The following LMNTD1 variants were observed in gnomAD, a reference collection of about 807,000 sequenced individuals.
LMNTD1 encodes lamin tail domain containing 1.
LMNTD1 carries 35 observed loss-of-function variants against 50.9 expected under a neutral mutation model. The ratio of observed to expected loss-of-function variants is 0.69; its 90% CI spans 0.53 to 0.91. LMNTD1 has a LOEUF of 0.91. Ranked by LOEUF, LMNTD1 falls within the 40% of genes least tolerant of loss-of-function variation. LMNTD1 has a pLI of 0.00. For missense variants in LMNTD1, 470 were observed against 475.5 expected, an observed-to-expected ratio of 0.99 and a Z score of 0.11; for synonymous variants, 153 against 161.9, an observed-to-expected ratio of 0.94 and a Z score of 0.42.
At chr12:25,625,465 A>C (rs981740211) in intron 1 of LMNTD1, among the ~76,000 whole-genome samples, 1 of 152,040 alleles carries the variant, frequency 6.6e-6, no homozygotes, top group African/African-American at 2.4e-5. Flanking sequence ...GACATCCCTT[A>C]GGCCTATGTT....
At chr12:25,617,442 G>T (rs750991165) in intron 1 of LMNTD1, among the ~76,000 whole-genome samples, 23 of 152,158 alleles carry the variant, frequency 1.5e-4, no homozygotes, top group South Asian at 2.1e-4. Context: ...TCTTGGACAA[G>T]TGGAGGGGTT....
intron 8 of LMNTD1, among the ~76,000 whole-genome samples, chr12:25,510,900 T>TA (rs1940222147): frequency 6.6e-6 from 1 of 152,242 alleles, no homozygotes; most frequent in East Asian, 1.9e-4. Context: ...AGTCCAGAGA[T>TA]AAAAGAGAAT....
intron 8 of LMNTD1, among the ~76,000 whole-genome samples, chr12:25,515,126 G>A (rs746115225): frequency 6.6e-6 from 1 of 152,016 alleles, no homozygotes; most frequent in Non-Finnish European, 1.5e-5. Flanking sequence ...AAGTAGACTT[G>A]CACAAGGATA....
At chr12:25,598,987 AAACTTATT>A (rs1244739515) in intron 1 of LMNTD1, among the ~76,000 whole-genome samples, 1 of 152,040 alleles carries the variant, frequency 6.6e-6, no homozygotes, top group African/African-American at 2.4e-5. Flanking sequence ...GAAAACTTCC[AAACTTATT>A]CTACGAGGCC....
At chr12:25,607,789 G>T (rs1482651324) in intron 1 of LMNTD1, among the ~76,000 whole-genome samples, 1 of 152,204 alleles carries the variant, frequency 6.6e-6, no homozygotes, top group African/African-American at 2.4e-5. Flanking sequence ...GTGATTTGGT[G>T]CTGAGAAGAA....
chr12:25,647,460 A>C (rs1302770992), intron 1 of LMNTD1, among the ~76,000 whole-genome samples: 17 of 152,382 alleles, frequency 1.1e-4, no homozygotes, highest in Admixed American at 1.3e-4. Context: ...ATGGCTCTCC[A>C]GCCTGGGTGA....
chr12:25,594,446 T>G (rs930655547), intron 1 of LMNTD1, among the ~76,000 whole-genome samples: 1 of 152,040 alleles, frequency 6.6e-6, no homozygotes, highest in South Asian at 2.1e-4. Flanking sequence ...GCCAAGAATT[T>G]TGTATCCAGT....
chr12:25,510,497 A>G (rs1166849982), intron 8 of LMNTD1, among the ~76,000 whole-genome samples: 2 of 151,740 alleles, frequency 1.3e-5, no homozygotes, highest in African/African-American at 2.4e-5. Flanking sequence ...AGTTTTTGAG[A>G]ATTTTTGCCA....
intron 1 of LMNTD1, among the ~76,000 whole-genome samples, chr12:25,646,742 T>C (rs551504623): frequency 6.6e-6 from 1 of 152,288 alleles, no homozygotes; most frequent in African/African-American, 2.4e-5. Context: ...GCTGCCAGTG[T>C]TTAAAAATAT....
At chr12:25,590,216 T>G (rs990150945) in intron 1 of LMNTD1, among the ~76,000 whole-genome samples, 1 of 152,046 alleles carries the variant, frequency 6.6e-6, no homozygotes. Flanking sequence ...GCAGCAGCAG[T>G]GTGGTGAGGA....
chr12:25,634,744 C>T (rs1946790992), intron 1 of LMNTD1, among the ~76,000 whole-genome samples: 1 of 152,048 alleles, frequency 6.6e-6, no homozygotes, highest in Non-Finnish European at 1.5e-5. Context: ...TGAGTACTGG[C>T]ACAAAACAAG....
chr12:25,614,658 C>A (rs1201288941), intron 1 of LMNTD1, among the ~76,000 whole-genome samples: 1 of 152,178 alleles, frequency 6.6e-6, no homozygotes, highest in African/African-American at 2.4e-5. Context: ...TGGCAGATTG[C>A]AGAGTCTAGC....
chr12:25,514,918 G>A (rs2136004989), intron 8 of LMNTD1, among the ~76,000 whole-genome samples: 1 of 152,262 alleles, frequency 6.6e-6, no homozygotes, highest in East Asian at 1.9e-4. Context: ...ATAAAGTTAG[G>A]TGAGAATAAG....
At chr12:25,592,986 A>T (rs142599927) in intron 1 of LMNTD1, 1,770 of 152,236 alleles carry the variant, frequency 0.012, 16 homozygotes, top group Non-Finnish European at 0.016. Flanking sequence ...GACATAGTAA[A>T]GGCAGTCATA....
intron 1 of LMNTD1, among the ~76,000 whole-genome samples, chr12:25,598,346 T>C (rs1018873389): frequency 5.9e-5 from 9 of 151,982 alleles, no homozygotes; most frequent in African/African-American, 2.2e-4. Flanking sequence ...CTATGGAATA[T>C]AGCAAAAGCA....
chr12:25,508,483 G>A (rs892880794), intron 8 of LMNTD1, among the ~76,000 whole-genome samples: 1 of 152,050 alleles, frequency 6.6e-6, no homozygotes. Context: ...CATTGCCTAT[G>A]GGATTGTATG....
intron 1 of LMNTD1, among the ~76,000 whole-genome samples, chr12:25,619,242 C>CTATA (rs1946413950): frequency 1.4e-5 from 1 of 70,962 alleles, no homozygotes; most frequent in African/African-American, 5.7e-5. Context: ...CTCTCTCTCT[C>CTATA]TCTCTCTCTC....
At chr12:25,542,852 A>G (rs1943185312) in intron 4 of LMNTD1, among the ~76,000 whole-genome samples, 1 of 151,816 alleles carries the variant, frequency 6.6e-6, no homozygotes, top group South Asian at 2.1e-4. Flanking sequence ...ATAACCAAAC[A>G]CATGTTCTTT....
At position 25,553,113 on chromosome 12, in the gene LMNTD1, T is replaced by C. The variant is rs199605286; in HGVS notation, c.-75A>G. ...CAAGCATCAGCTAGGTTTAATAATT[T>C]CTTTACCAAACTAGTACCAGAACCA... is the stretch of plus-strand genomic sequence containing the variant. On this transcript the variant is annotated 5_prime_UTR_variant, in exon 1 of 10. Coordinates refer to ENST00000458174, the MANE Select transcript of LMNTD1 (RefSeq NM_001145728.2). The C allele has an allele frequency of 6.2e-7, 1 of 1,613,026 alleles. No individual in the cohort carries two copies. Among genetic ancestry groups the C allele is most frequent in the Admixed American group, 1.7e-5 (1 of 59,996 alleles).
Sources: gnomAD v4.1 joint callset for allele counts (sites outside exome capture counted in the v4.1 genomes callset) on GRCh38, gnomAD v4.1.1 for gene constraint, MANE v1.5 for transcripts, NCBI Gene and HGNC (gene_info 2026-07-23, HGNC 2026-07-21) for gene names.